The following MYO16 variants were observed in gnomAD, a reference collection of about 807,000 sequenced individuals.
MYO16 encodes the protein myosin XVI.
MYO16 carries 94 observed loss-of-function variants against 205.3 expected under a neutral mutation model. The ratio of observed to expected loss-of-function variants is 0.46; its 90% CI spans 0.39 to 0.54. The LOEUF (loss-of-function observed/expected upper bound fraction) is 0.54, where lower values mean the gene tolerates loss of function less well. MYO16 is among the 20% of genes least tolerant of loss of function. The pLI is 0.00. For synonymous variants in MYO16, 988 were observed against 954.0 expected, an observed-to-expected ratio of 1.04 and a Z score of -0.66; for missense variants, 2,315 against 2,387.5, an observed-to-expected ratio of 0.97 and a Z score of 0.63.
At chr13:109,151,370 AAC>A (rs746358601) in intron 32 of MYO16, among the ~76,000 whole-genome samples, 32 of 152,310 alleles carry the variant, frequency 2.1e-4, no homozygotes, top group Middle Eastern at 3.4e-3. Flanking sequence ...CAAATTTAAT[AAC>A]ACATGTTAAT....
intron 16 of MYO16, among the ~76,000 whole-genome samples, chr13:108,938,598 G>T (rs2139308819): frequency 6.6e-6 from 1 of 152,372 alleles, no homozygotes; most frequent in Admixed American, 6.5e-5. Context: ...AGGAGAGTGG[G>T]TGCTCCAGAT....
intron 6 of MYO16, among the ~76,000 whole-genome samples, chr13:108,805,196 C>T (rs1298763960): frequency 6.6e-6 from 1 of 152,028 alleles, no homozygotes; most frequent in Non-Finnish European, 1.5e-5. Flanking sequence ...TTCTAAAATA[C>T]TTATGGATAT....
intron 27 of MYO16, among the ~76,000 whole-genome samples, chr13:109,075,828 C>T (rs1888081526): frequency 6.8e-6 from 1 of 147,168 alleles, no homozygotes; most frequent in African/African-American, 2.5e-5. Flanking sequence ...AATTGGCAAA[C>T]GTTTTCTCCA....
In MYO16 at chr13:108,883,142, T is replaced by G; in HGVS notation, c.1509T>G (p.Phe503Leu). Residue 503 changes from phenylalanine (F) to leucine (L), a missense_variant, in exon 13 of 35, where the codon TTT becomes TTG. By Grantham distance (22) the Phe-to-Leu change is conservative (BLOSUM62 0). Coordinates refer to ENST00000457511, the MANE Select transcript of MYO16 (RefSeq NM_001198950.3). The part of the protein sequence containing the change: ...PHLFSCVERA[F>L]HQLFREQRPQ... ...TCTTCTCCTGTGTGGAGAGAGCCTT[T>G]CACCAGCTCTTCCGGGAACAGCGGC... 1 of 1,614,014 alleles carries G rather than the reference T, an allele frequency of 6.2e-7. No individual in the cohort carries two copies. The highest frequency in any genetic ancestry group is 8.5e-7 in the Non-Finnish European group (1 of 1,179,928).
At chr13:109,110,157 T>A (rs1159873697) in intron 28 of MYO16, among the ~76,000 whole-genome samples, 9 of 152,206 alleles carry the variant, frequency 5.9e-5, no homozygotes, top group Admixed American at 5.9e-4. Flanking sequence ...AAAAGAAAGA[T>A]CAAATGTGTG....
intron 1 of MYO16, among the ~76,000 whole-genome samples, chr13:108,601,207 A>G (rs1436324426): frequency 6.6e-6 from 1 of 152,134 alleles, no homozygotes; most frequent in East Asian, 1.9e-4. Context: ...TAAGCTTTCA[A>G]AAGTAACATC....
At chr13:109,139,383 T>A (rs1289033419) in intron 31 of MYO16, among the ~76,000 whole-genome samples, 1 of 152,214 alleles carries the variant, frequency 6.6e-6, no homozygotes, top group African/African-American at 2.4e-5. Flanking sequence ...AACCCATACC[T>A]TATGTCACAC....
the MYO16 span, among the ~76,000 whole-genome samples, chr13:108,554,899 A>C: frequency 6.7e-6 from 1 of 150,224 alleles, no homozygotes; most frequent in Admixed American, 6.7e-5. Context: ...GTCTCTACCT[A>C]TCTTTTGGTA....
chr13:108,577,069 C>T, the MYO16 span, among the ~76,000 whole-genome samples: 61 of 152,320 alleles, frequency 4.0e-4, no homozygotes, highest in African/African-American at 1.4e-3. Flanking sequence ...CTTGCAGTAC[C>T]TTTCCATTTG....
At chr13:109,153,431 G>A (rs1329866572) in intron 32 of MYO16, among the ~76,000 whole-genome samples, 1 of 152,014 alleles carries the variant, frequency 6.6e-6, no homozygotes, top group Admixed American at 6.5e-5. Flanking sequence ...TTTTTTTCTT[G>A]CTATTTCTAT....
chr13:109,177,649 C>T (rs1382724735), intron 33 of MYO16, among the ~76,000 whole-genome samples: 1 of 152,092 alleles, frequency 6.6e-6, no homozygotes, highest in African/African-American at 2.4e-5. Context: ...TCCTGAGTAG[C>T]TGAGACTACA....
At chr13:108,923,418 G>A (rs1261113179) in intron 16 of MYO16, among the ~76,000 whole-genome samples, 3 of 152,230 alleles carry the variant, frequency 2.0e-5, no homozygotes, top group African/African-American at 4.8e-5. Flanking sequence ...TCAGAGGAGG[G>A]GGACAGGTGA....
chr13:109,023,049 G>A (rs1886148931), intron 23 of MYO16, among the ~76,000 whole-genome samples: 2 of 131,966 alleles, frequency 1.5e-5, no homozygotes, highest in South Asian at 2.3e-4. Context: ...ATACACACAT[G>A]TAAGTATATG....
intron 1 of MYO16, among the ~76,000 whole-genome samples, chr13:108,648,919 T>C (rs1880874025): frequency 6.6e-6 from 1 of 152,080 alleles, no homozygotes; most frequent in African/African-American, 2.4e-5. Flanking sequence ...TCTCTCTCTC[T>C]CTCTGCATCT....
the MYO16 span, among the ~76,000 whole-genome samples, chr13:108,577,699 A>C: frequency 4.6e-5 from 7 of 152,216 alleles, no homozygotes; most frequent in East Asian, 1.9e-4. Flanking sequence ...GACACTTTGC[A>C]CTGACTACAA....
rs189032422 is a variant in MYO16, at chr13:109,190,032, G to T, written c.5415+10399G>T. On this transcript the variant is annotated intron_variant, in intron 34 of 34. Transcript: ENST00000457511. ...GACTATAGTAGGCTTACCCGTTTATGTGTTTATCCCACGTAAAGTTTTAAT... is the reference window on the plus strand; with the variant it reads ...GACTATAGTAGGCTTACCCGTTTATTTGTTTATCCCACGTAAAGTTTTAAT... 9.9e-5 allele frequency among the ~76,000 whole-genome samples: 15 copies of T among 151,624 alleles called. No individual in the cohort carries two copies. The East Asian group carries it at 2.9e-3, about 29-fold the overall frequency.
In MYO16 at chr13:108,868,612, C is replaced by A. The variant is rs972518863; in HGVS notation, c.1425+2370C>A. On this transcript the variant is annotated intron_variant, in intron 12 of 34. Coordinates refer to ENST00000457511, the MANE Select transcript of MYO16 (RefSeq NM_001198950.3). The stretch of plus-strand genomic sequence containing the variant: ...TAAAAAATGTATATTAACCTGAAAC[C>A]GTACTGTTTATTAAAAAGACCATCT... Among the ~76,000 whole-genome samples the A allele has an allele frequency of 7.9e-5, 12 of 151,582 alleles. No homozygotes were observed. The East Asian group carries it at 2.3e-3, about 29-fold the overall frequency.
At chr13:108,950,184 ATAAAT>A (rs1883090415) in intron 16 of MYO16, among the ~76,000 whole-genome samples, 1 of 152,222 alleles carries the variant, frequency 6.6e-6, no homozygotes. Context: ...GGAAAAATTG[ATAAAT>A]TATATGACAT....
At chr13:108,794,928 T>C (rs1156976312) in intron 6 of MYO16, among the ~76,000 whole-genome samples, 2 of 152,154 alleles carry the variant, frequency 1.3e-5, no homozygotes, top group Admixed American at 1.3e-4. Context: ...ACTAAATAGG[T>C]AAAAGTTTTG....
Sources: allele counts gnomAD v4.1 joint callset (sites outside exome capture counted in the v4.1 genomes callset), GRCh38; gene constraint gnomAD v4.1.1; transcripts MANE v1.5; gene names NCBI Gene and HGNC (gene_info 2026-07-23, HGNC 2026-07-21).